TM2D1: variants seen among roughly 807,000 people sequenced by gnomAD.
TM2D1 encodes the protein TM2 domain containing 1, also known as TM2 domain-containing protein 1.
A neutral mutation model predicts 28.4 loss-of-function variants in TM2D1; 15 were observed. That is an observed-to-expected ratio of 0.53 (90% confidence interval 0.35 to 0.81). The LOEUF (loss-of-function observed/expected upper bound fraction) is 0.81, where lower values mean the gene tolerates loss of function less well. Ranked by LOEUF, TM2D1 falls within the 40% of genes least tolerant of loss-of-function variation. TM2D1 has a pLI of 0.01. For missense variants in TM2D1, 236 were observed against 254.9 expected, an observed-to-expected ratio of 0.93 and a Z score of 0.50; for synonymous variants, 93 against 96.2, an observed-to-expected ratio of 0.97 and a Z score of 0.20.
chr1:61,691,932 A>AATATATATATATATAT (rs1163953838), intron 5 of TM2D1, among the ~76,000 whole-genome samples: 15 of 76,240 alleles, frequency 2.0e-4, no homozygotes, highest in South Asian at 8.8e-4. Context: ...AAAAAAAAAA[A>AATATATATATATATAT]ATATATATAT....
intron 2 of TM2D1, among the ~76,000 whole-genome samples, chr1:61,722,552 A>C (rs1429508353): frequency 3.9e-5 from 6 of 152,218 alleles, no homozygotes; most frequent in Admixed American, 3.9e-4. Flanking sequence ...TACTTTTAGT[A>C]GAGACGGGGT....
intron 5 of TM2D1, among the ~76,000 whole-genome samples, chr1:61,689,088 T>A (rs565573485): frequency 2.0e-5 from 3 of 152,318 alleles, no homozygotes; most frequent in Non-Finnish European, 4.4e-5. Flanking sequence ...TTGTCCTACA[T>A]CTAGCAAACT....
chr1:61,702,235 A>C (rs537926585), intron 3 of TM2D1, among the ~76,000 whole-genome samples: 1 of 152,158 alleles, frequency 6.6e-6, no homozygotes, highest in African/African-American at 2.4e-5. Context: ...TTTCTGCTTA[A>C]GAAACTGGGT....
At chr1:61,694,675 C>T (rs754332662) in intron 5 of TM2D1, 22 bp downstream of exon 5, 5 of 1,538,350 alleles carry the variant, frequency 3.3e-6, no homozygotes, top group Non-Finnish European at 4.4e-6. Flanking sequence ...AAGTAGTTTA[C>T]ATTCTAGATT....
intron 5 of TM2D1, chr1:61,686,925 A>T: frequency 1.0e-6 from 1 of 981,368 alleles, no homozygotes; most frequent in South Asian, 4.7e-5. Flanking sequence ...CCTGTCTCTA[A>T]AAAAAGAAAG....
chr1:61,700,185 C>G, intron 4 of TM2D1: 1 of 1,535,504 alleles, frequency 6.5e-7, no homozygotes, highest in Non-Finnish European at 8.8e-7. Flanking sequence ...ATCCATAAAA[C>G]AAAGATGATA....
chr1:61,691,855 C>T (rs1333707992), intron 5 of TM2D1, among the ~76,000 whole-genome samples: 1 of 145,508 alleles, frequency 6.9e-6, no homozygotes, highest in African/African-American at 2.5e-5. Context: ...GTGGAGGTTG[C>T]GGTGAGCCGA....
chr1:61,716,038 C>T (rs1374813825), intron 2 of TM2D1, among the ~76,000 whole-genome samples: 1 of 151,776 alleles, frequency 6.6e-6, no homozygotes, highest in Non-Finnish European at 1.5e-5. Flanking sequence ...ATCTCCTGAC[C>T]TCGTGATCCA....
intron 4 of TM2D1, chr1:61,699,024 A>G (rs1484613852): frequency 5.3e-5 from 8 of 152,186 alleles, no homozygotes; most frequent in Non-Finnish European, 1.2e-4. Context: ...CTTAATAGAA[A>G]TTACAATTTA....
intron 3 of TM2D1, 87 bp from the exon 4 acceptor site, chr1:61,701,112 C>T: frequency 1.0e-6 from 1 of 972,084 alleles, no homozygotes; most frequent in Non-Finnish European, 1.6e-6. Context: ...TTAATTGGTT[C>T]ATTCTTTCAC....
In TM2D1 at chr1:61,681,137, CTA is replaced by C. The variant is rs1288783681; in HGVS notation, c.*231_*232del. ...GATTAAAGAGTATCAGAGTAATAAG[CTA>C]TCTCTCATAGAGACAGAAGCCCGAG... is the stretch of plus-strand genomic sequence containing the variant. On this transcript the variant is annotated 3_prime_UTR_variant, in exon 7 of 7. Transcript: ENST00000606498. 6.5e-6 allele frequency: 1 copy of C among 153,646 alleles called. No individual in the cohort carries two copies. Among genetic ancestry groups the C allele is most frequent in the African/African-American group, 2.4e-5 (1 of 41,420 alleles). The allele number at this position is 153,646 out of a possible 1,614,324, so 9.5% of individuals were successfully genotyped here. A position where few individuals can be genotyped will look rare whatever the true frequency, so the allele number is the denominator to read the frequency against.
chr1:61,686,959 T>G, intron 5 of TM2D1: 1 of 984,836 alleles, frequency 1.0e-6, no homozygotes, highest in South Asian at 4.7e-5. Context: ...TACTGGGAAT[T>G]TTTTTCCTCA....
intron 5 of TM2D1, among the ~76,000 whole-genome samples, chr1:61,686,429 G>C (rs1440781291): frequency 5.3e-5 from 8 of 152,154 alleles, no homozygotes; most frequent in Non-Finnish European, 1.2e-4. Flanking sequence ...GGCCAAGGTG[G>C]GAGGATTGCT....
intron 2 of TM2D1, among the ~76,000 whole-genome samples, chr1:61,718,381 C>G (rs570238527): frequency 5.9e-5 from 9 of 152,152 alleles, no homozygotes; most frequent in African/African-American, 2.2e-4. Flanking sequence ...TCTGAGAGTG[C>G]TAGGTTTGGA....
chr1:61,713,447 C>A (rs535966449), intron 2 of TM2D1, among the ~76,000 whole-genome samples: 13 of 147,600 alleles, frequency 8.8e-5, no homozygotes, highest in Non-Finnish European at 1.8e-4. Flanking sequence ...CACTTACACT[C>A]CAGCCTGGGT....
intron 2 of TM2D1, among the ~76,000 whole-genome samples, chr1:61,715,645 CAAAAAAAAAAA>C (rs759796747): frequency 1.2e-4 from 2 of 16,424 alleles, no homozygotes; most frequent in African/African-American, 1.6e-4. Context: ...AAGACTGTCT[CAAAAAAAAAAA>C]AAAAAAAAAA....
At chr1:61,716,769 T>C (rs983997747) in intron 2 of TM2D1, among the ~76,000 whole-genome samples, 16 of 151,960 alleles carry the variant, frequency 1.1e-4, no homozygotes, top group Non-Finnish European at 2.1e-4. Context: ...CTAGAGTTTA[T>C]TTGTTTAGAC....
intron 5 of TM2D1, among the ~76,000 whole-genome samples, chr1:61,692,197 C>T (rs1048836817): frequency 6.6e-6 from 1 of 151,268 alleles, no homozygotes; most frequent in Non-Finnish European, 1.5e-5. Flanking sequence ...ATAGAAAATT[C>T]CAAAGTTTAA....
intron 5 of TM2D1, among the ~76,000 whole-genome samples, chr1:61,685,471 A>G (rs1488538599): frequency 2.6e-5 from 4 of 152,248 alleles, no homozygotes; most frequent in Admixed American, 6.5e-5. Context: ...CTCATTTTAA[A>G]AATAAATTTG....
Sources: allele counts gnomAD v4.1 joint callset (sites outside exome capture counted in the v4.1 genomes callset), GRCh38; gene constraint gnomAD v4.1.1; transcripts MANE v1.5; gene names NCBI Gene and HGNC (gene_info 2026-07-23, HGNC 2026-07-21).